The following TMEM132D variants were observed in gnomAD, a reference collection of about 807,000 sequenced individuals.
TMEM132D encodes the protein mature OL transmembrane protein.
TMEM132D carries 21 observed loss-of-function variants against 62.3 expected under a neutral mutation model. The ratio of observed to expected loss-of-function variants is 0.34; its 90% confidence interval spans 0.24 to 0.49. The LOEUF (loss-of-function observed/expected upper bound fraction) is 0.49, where lower values mean the gene tolerates loss of function less well. Among genes scored for constraint, TMEM132D ranks in the 20% least tolerant of loss-of-function variants. The pLI is 0.99. For missense variants in TMEM132D, 1,346 were observed against 1,402.8 expected (o/e 0.96, Z 0.65); for synonymous variants, 621 against 575.6 (o/e 1.08, Z -1.13).
At chr12:129,398,430 T>C (rs6486461) in intron 3 of TMEM132D, among the ~76,000 whole-genome samples, 12,095 of 152,206 alleles carry the variant, frequency 0.079, 1,131 homozygotes, top group African/African-American at 0.23. Context: ...GCTCACTTCT[T>C]GTATGTGGGA....
intron 4 of TMEM132D, among the ~76,000 whole-genome samples, chr12:129,288,573 G>C (rs1014666158): frequency 2.0e-5 from 3 of 152,170 alleles, no homozygotes; most frequent in African/African-American, 7.2e-5. Flanking sequence ...ATGCCTGTTA[G>C]GATGGTTATT....
chr12:129,851,015 A>G (rs1391137938), intron 1 of TMEM132D, among the ~76,000 whole-genome samples: 1 of 152,248 alleles, frequency 6.6e-6, no homozygotes, highest in African/African-American at 2.4e-5. Flanking sequence ...ACACAGAAAT[A>G]AAGGTGAAAC....
At chr12:129,542,016 A>G (rs1876596751) in intron 2 of TMEM132D, among the ~76,000 whole-genome samples, 1 of 152,360 alleles carries the variant, frequency 6.6e-6, no homozygotes, top group East Asian at 1.9e-4. Flanking sequence ...CTTGCCTCCA[A>G]TGGGAGATAT....
intron 4 of TMEM132D, among the ~76,000 whole-genome samples, chr12:129,232,077 A>G (rs143635969): frequency 6.6e-6 from 1 of 152,318 alleles, no homozygotes; most frequent in African/African-American, 2.4e-5. Flanking sequence ...GAGATTAAAC[A>G]ACACTGGTAG....
chr12:129,502,006 T>C (rs1228770885), intron 3 of TMEM132D, among the ~76,000 whole-genome samples: 1 of 152,112 alleles, frequency 6.6e-6, no homozygotes, highest in East Asian at 1.9e-4. Flanking sequence ...TGACTTTTTT[T>C]TTTTTCTTTT....
intron 2 of TMEM132D, among the ~76,000 whole-genome samples, chr12:129,580,239 G>GA (rs1877807236): frequency 1.3e-5 from 2 of 152,236 alleles, no homozygotes; most frequent in East Asian, 3.9e-4. Context: ...AACTCGGGTC[G>GA]AAAATAAGAC....
At chr12:129,674,784 C>T (rs1471500311) in intron 2 of TMEM132D, among the ~76,000 whole-genome samples, 1 of 152,102 alleles carries the variant, frequency 6.6e-6, no homozygotes, top group Non-Finnish European at 1.5e-5. Context: ...CATGATCCAC[C>T]CACCTTGGCC....
intron 1 of TMEM132D, among the ~76,000 whole-genome samples, chr12:129,902,354 C>T (rs1875387722): frequency 6.6e-6 from 1 of 152,174 alleles, no homozygotes; most frequent in Admixed American, 6.5e-5. Context: ...CACTCTCCTC[C>T]CAGTGTATCT....
chr12:129,543,109 AGATG>A (rs1876627390), intron 2 of TMEM132D, among the ~76,000 whole-genome samples: 1 of 143,304 alleles, frequency 7.0e-6, no homozygotes, highest in African/African-American at 2.6e-5. Context: ...AAAGATGGAT[AGATG>A]GATAGATGGA....
chr12:129,602,980 G>A (rs949076651), intron 2 of TMEM132D, among the ~76,000 whole-genome samples: 6 of 152,118 alleles, frequency 3.9e-5, no homozygotes, highest in African/African-American at 9.7e-5. Context: ...TTACCATCAC[G>A]AGAACAGCAT....
chr12:129,843,270 T>A (rs1452611531), intron 1 of TMEM132D, among the ~76,000 whole-genome samples: 1 of 152,122 alleles, frequency 6.6e-6, no homozygotes, highest in Non-Finnish European at 1.5e-5. Flanking sequence ...TATGACCAAA[T>A]AATAGATTAA....
chr12:129,539,612 A>C lies in TMEM132D; in HGVS notation c.969-8407T>G, dbSNP rs188801050. Among the ~76,000 whole-genome samples the C allele has an allele frequency of 5.2e-3, 777 of 148,680 alleles. 7 individuals carry two copies. Among genetic ancestry groups the C allele is most frequent in the African/African-American group, 0.018 (739 of 40,400 alleles). On this transcript the variant is annotated intron_variant, in intron 2 of 8. Coordinates refer to ENST00000422113, the MANE Select transcript of TMEM132D (RefSeq NM_133448.3). ...CTTTTAGCAGAGACGGGATTTCACCATGTTGCCCAGACTGATTTCAAACTC... is the reference window on the plus strand; with the variant it reads ...CTTTTAGCAGAGACGGGATTTCACCCTGTTGCCCAGACTGATTTCAAACTC...
At chr12:129,787,349 G>A (rs978556413) in intron 1 of TMEM132D, among the ~76,000 whole-genome samples, 18 of 152,116 alleles carry the variant, frequency 1.2e-4, no homozygotes, top group African/African-American at 2.7e-4. Flanking sequence ...CCATGTCACC[G>A]AGGGCATTAG....
At chr12:129,230,469 A>G (rs1179629811) in intron 4 of TMEM132D, among the ~76,000 whole-genome samples, 1 of 152,264 alleles carries the variant, frequency 6.6e-6, no homozygotes, top group East Asian at 1.9e-4. Context: ...CCTTCTTCAA[A>G]ATGTAGCTCT....
chr12:129,337,576 C>A (rs2135657681), intron 4 of TMEM132D, 58 bp downstream of exon 4: 6 of 1,602,996 alleles, frequency 3.7e-6, no homozygotes, highest in Non-Finnish European at 5.1e-6. Context: ...CAGTGCGGCG[C>A]CGGCGCCTTC....
At chr12:129,572,907 T>C (rs1293309484) in intron 2 of TMEM132D, among the ~76,000 whole-genome samples, 1 of 152,138 alleles carries the variant, frequency 6.6e-6, no homozygotes, top group African/African-American at 2.4e-5. Flanking sequence ...TTAAATTAAT[T>C]TTGTAAATGT....
At chr12:129,279,393 A>AT (rs138825419) in intron 4 of TMEM132D, among the ~76,000 whole-genome samples, 6 of 152,026 alleles carry the variant, frequency 3.9e-5, no homozygotes, top group African/African-American at 1.2e-4. Flanking sequence ...TTCCTAAAGA[A>AT]TTTTTTTTGG....
chr12:129,675,388 G>C (rs1880602893), intron 2 of TMEM132D, among the ~76,000 whole-genome samples: 1 of 151,482 alleles, frequency 6.6e-6, no homozygotes, highest in Non-Finnish European at 1.5e-5. Context: ...TGGGGGGCAA[G>C]GGGAGGGAGA....
At chr12:129,823,239 A>C (rs935372406) in intron 1 of TMEM132D, among the ~76,000 whole-genome samples, 2 of 152,016 alleles carry the variant, frequency 1.3e-5, no homozygotes, top group Non-Finnish European at 2.9e-5. Flanking sequence ...AGCCAAATAA[A>C]CCTCTTTTCT....
Sources: gnomAD v4.1 joint callset for allele counts (sites outside exome capture counted in the v4.1 genomes callset) on GRCh38, gnomAD v4.1.1 for gene constraint, MANE v1.5 for transcripts, NCBI Gene and HGNC (gene_info 2026-07-23, HGNC 2026-07-21) for gene names.